The following EPHA6 variants were observed in gnomAD, a reference collection of about 807,000 sequenced individuals.
The protein encoded by EPHA6 is ephrin type-A receptor 6.
EPHA6 carries 50 observed loss-of-function variants against 112.0 expected under a neutral mutation model. The ratio of observed to expected loss-of-function variants is 0.45; its 90% confidence interval spans 0.36 to 0.56. The LOEUF is 0.56. EPHA6 is among the 20% of genes least tolerant of loss of function. The pLI is 0.00. For synonymous variants in EPHA6, 529 were observed against 490.7 expected (o/e 1.08, Z -1.03); for missense variants, 1,280 against 1,417.4 (o/e 0.90, Z 1.56).
At chr3:97,452,476 G>T (rs1156384161) in intron 7 of EPHA6, among the ~76,000 whole-genome samples, 1 of 151,450 alleles carries the variant, frequency 6.6e-6, no homozygotes, top group Non-Finnish European at 1.5e-5. Context: ...TTTCTCGCTG[G>T]GCTAAGTGTA....
At chr3:97,419,376 C>G (rs905899755) in intron 6 of EPHA6, among the ~76,000 whole-genome samples, 2 of 152,112 alleles carry the variant, frequency 1.3e-5, no homozygotes, top group Admixed American at 6.5e-5. Context: ...GTAATCCCAG[C>G]ACTTTGGGAG....
At chr3:97,627,175 G>A (rs1018675246) in intron 13 of EPHA6, among the ~76,000 whole-genome samples, 2 of 151,802 alleles carry the variant, frequency 1.3e-5, no homozygotes, top group African/African-American at 2.4e-5. Context: ...TTATTCATTT[G>A]TTATGCAAAT....
chr3:97,321,401 C>CG (rs199936935), intron 5 of EPHA6, among the ~76,000 whole-genome samples: 2,452 of 151,888 alleles, frequency 0.016, 104 homozygotes, highest in African/African-American at 0.056. Flanking sequence ...TTCTGCTAGT[C>CG]GGGAAGGTGA....
chr3:96,886,953 T>C (rs768786641), intron 2 of EPHA6, among the ~76,000 whole-genome samples: 3 of 152,174 alleles, frequency 2.0e-5, no homozygotes, highest in Non-Finnish European at 4.4e-5. Context: ...TTCTTTAAAC[T>C]ATCTATTTTC....
chr3:97,629,023 T>G (rs1453349184), intron 13 of EPHA6, among the ~76,000 whole-genome samples: 11 of 151,910 alleles, frequency 7.2e-5, no homozygotes, highest in Admixed American at 7.2e-4. Context: ...ACCTCAAACT[T>G]CTGGGCTTGA....
intron 2 of EPHA6, among the ~76,000 whole-genome samples, chr3:96,949,536 A>G (rs946362541): frequency 3.9e-5 from 6 of 152,118 alleles, no homozygotes; most frequent in Admixed American, 2.0e-4. Flanking sequence ...ATTGCTGTGT[A>G]AAGTTATCTA....
At chr3:96,929,100 G>A (rs1168382703) in intron 2 of EPHA6, among the ~76,000 whole-genome samples, 5 of 152,126 alleles carry the variant, frequency 3.3e-5, no homozygotes, top group South Asian at 4.1e-4. Flanking sequence ...ATGGGTCTTG[G>A]CCTTATATCC....
intron 3 of EPHA6, among the ~76,000 whole-genome samples, chr3:97,021,646 C>A (rs1022861320): frequency 5.3e-5 from 8 of 152,230 alleles, no homozygotes; most frequent in African/African-American, 1.9e-4. Flanking sequence ...CACATTCTTG[C>A]TGTGTCATCA....
chr3:96,828,736 A>G (rs569653651), intron 1 of EPHA6, among the ~76,000 whole-genome samples: 1 of 151,902 alleles, frequency 6.6e-6, no homozygotes, highest in Non-Finnish European at 1.5e-5. Flanking sequence ...CATTCCCAAC[A>G]CCTCCACAGC....
At chr3:97,210,397 C>A (rs914294172) in intron 3 of EPHA6, among the ~76,000 whole-genome samples, 8 of 152,062 alleles carry the variant, frequency 5.3e-5, no homozygotes, top group Non-Finnish European at 8.8e-5. Flanking sequence ...CTCACCATCA[C>A]AAGAACAGCA....
intron 3 of EPHA6, among the ~76,000 whole-genome samples, chr3:97,182,061 A>G (rs1233941200): frequency 6.6e-6 from 1 of 152,058 alleles, no homozygotes; most frequent in Non-Finnish European, 1.5e-5. Context: ...TGGTGGCCAT[A>G]CCCCAGAGAA....
At chr3:96,912,466 T>C (rs1200651660) in intron 2 of EPHA6, among the ~76,000 whole-genome samples, 2 of 152,078 alleles carry the variant, frequency 1.3e-5, no homozygotes, top group East Asian at 1.9e-4. Flanking sequence ...CGTGAAATAA[T>C]AGAGGAGGTG....
chr3:97,411,523 T>G (rs1016026830), intron 6 of EPHA6, among the ~76,000 whole-genome samples: 2 of 152,124 alleles, frequency 1.3e-5, no homozygotes, highest in African/African-American at 4.8e-5. Context: ...TTTAAAATTA[T>G]AGAAGCTGCA....
intron 12 of EPHA6, among the ~76,000 whole-genome samples, chr3:97,597,804 A>C (rs902646406): frequency 6.6e-6 from 1 of 152,246 alleles, no homozygotes; most frequent in Non-Finnish European, 1.5e-5. Context: ...GATGTTACAA[A>C]TGGAATGTAA....
At chr3:96,910,243 C>G (rs2039148580) in intron 2 of EPHA6, among the ~76,000 whole-genome samples, 1 of 151,972 alleles carries the variant, frequency 6.6e-6, no homozygotes, top group East Asian at 1.9e-4. Flanking sequence ...ATTTCTGAGG[C>G]AGCAAATGTA....
intron 3 of EPHA6, among the ~76,000 whole-genome samples, chr3:97,077,622 CT>C (rs2046574412): frequency 6.6e-6 from 1 of 151,896 alleles, no homozygotes; most frequent in Non-Finnish European, 1.5e-5. Context: ...CATTTCCCAC[CT>C]ATGAGTGAGA....
chr3:97,761,317 A>C lies in EPHA6; in HGVS notation c.*12616A>C, dbSNP rs1448815179. The C allele has an allele frequency of 5.2e-6, 1 of 192,772 alleles. No homozygotes were observed. Among genetic ancestry groups the C allele is most frequent in the Non-Finnish European group, 1.1e-5 (1 of 92,254 alleles). 11.9% of individuals were successfully genotyped at this position (192,772 alleles called of 1,614,324 possible). On this transcript the variant is annotated 3_prime_UTR_variant, in exon 18 of 18. Coordinates refer to ENST00000389672, the MANE Select transcript of EPHA6 (RefSeq NM_001080448.3). ...TGAGGGGTTGTTTGTGGTGAATTGC[A>C]TAACATATGTCATCTATTTGCTGAA...
intron 4 of EPHA6, among the ~76,000 whole-genome samples, chr3:97,240,766 T>C (rs546939048): frequency 5.9e-5 from 9 of 151,936 alleles, no homozygotes; most frequent in African/African-American, 2.2e-4. Context: ...TAAGATTCTA[T>C]GAACAAATTT....
intron 5 of EPHA6, among the ~76,000 whole-genome samples, chr3:97,394,727 A>G (rs776426714): frequency 2.6e-5 from 4 of 151,764 alleles, no homozygotes; most frequent in Non-Finnish European, 4.4e-5. Context: ...GCAATGAGAT[A>G]TTACCTCACC....
Sources: allele counts gnomAD v4.1 joint callset (sites outside exome capture counted in the v4.1 genomes callset), GRCh38; gene constraint gnomAD v4.1.1; transcripts MANE v1.5; gene names NCBI Gene and HGNC (gene_info 2026-07-23, HGNC 2026-07-21).